The following LGSN variants were observed in gnomAD, a reference collection of about 807,000 sequenced individuals.
LGSN encodes lengsin, lens protein with glutamine synthetase domain.
Under a neutral mutation model 19.5 loss-of-function variants are expected in LGSN, and 21 were observed. The observed-to-expected ratio is 1.07, with a 90% CI of 0.76 to 1.55. The LOEUF is 1.55. LGSN is among the 40% of genes most tolerant of loss of function. The pLI is 0.00. For synonymous variants in LGSN, 257 were observed against 215.6 expected (o/e 1.19, Z -1.68); for missense variants, 673 against 608.5 (o/e 1.11, Z -1.12).
the LGSN span, among the ~76,000 whole-genome samples, chr6:63,500,570 C>T: frequency 6.7e-6 from 1 of 150,266 alleles, no homozygotes; most frequent in East Asian, 2.0e-4. Flanking sequence ...TGCAGGCATG[C>T]ACCACCACGC....
the LGSN span, among the ~76,000 whole-genome samples, chr6:63,527,535 C>A: frequency 6.6e-6 from 1 of 152,010 alleles, no homozygotes; most frequent in Admixed American, 6.6e-5. Flanking sequence ...ATACTGTGTC[C>A]ACAGTATTAT....
the LGSN span, chr6:63,443,508 G>A: frequency 8.5e-5 from 46 of 543,528 alleles, no homozygotes; most frequent in Admixed American, 2.9e-4. Flanking sequence ...TTGCACCAGC[G>A]TGAACACCAT....
At chr6:63,520,662 TA>T in the LGSN span, among the ~76,000 whole-genome samples, 41 of 150,436 alleles carry the variant, frequency 2.7e-4, no homozygotes, top group African/African-American at 1.0e-3. Context: ...AATAAATAAA[TA>T]AATAAATAAA....
the LGSN span, among the ~76,000 whole-genome samples, chr6:63,510,952 G>A: frequency 6.6e-6 from 1 of 152,128 alleles, no homozygotes; most frequent in Non-Finnish European, 1.5e-5. Flanking sequence ...TGGAATTACA[G>A]GCATGAGCCA....
chr6:63,282,048 C>T (rs1056100397), intron 3 of LGSN, among the ~76,000 whole-genome samples: 5 of 152,186 alleles, frequency 3.3e-5, no homozygotes, highest in Admixed American at 2.0e-4. Flanking sequence ...AAGTGTTAGA[C>T]TAGATGACTG....
the LGSN span, among the ~76,000 whole-genome samples, chr6:63,448,443 T>TTTC: frequency 6.6e-6 from 1 of 152,144 alleles, no homozygotes; most frequent in African/African-American, 2.4e-5. Context: ...TAGGGACAAC[T>TTTC]TTCTAGGGCA....
chr6:63,412,409 A>C, the LGSN span, among the ~76,000 whole-genome samples: 486 of 131,926 alleles, frequency 3.7e-3, 11 homozygotes, highest in African/African-American at 0.017. Flanking sequence ...GAAAGAAAGA[A>C]AGAAAGAAGA....
chr6:63,291,444 A>C (rs1767764601), intron 2 of LGSN, among the ~76,000 whole-genome samples: 1 of 152,060 alleles, frequency 6.6e-6, no homozygotes, highest in Non-Finnish European at 1.5e-5. Context: ...TGGAGTGGGA[A>C]TATGACTTTC....
At chr6:63,359,105 C>T in the LGSN span, among the ~76,000 whole-genome samples, 16 of 152,158 alleles carry the variant, frequency 1.1e-4, no homozygotes, top group South Asian at 6.2e-4. Context: ...TGGTTTTTGT[C>T]GTTGGTTCTG....
the LGSN span, among the ~76,000 whole-genome samples, chr6:63,394,128 G>T: frequency 6.6e-6 from 1 of 152,148 alleles, no homozygotes; most frequent in Non-Finnish European, 1.5e-5. Context: ...TTAGCTGGGC[G>T]TGGTGGGCGA....
chr6:63,420,806 T>G, the LGSN span, among the ~76,000 whole-genome samples: 34 of 152,302 alleles, frequency 2.2e-4, no homozygotes, highest in African/African-American at 8.2e-4. Context: ...ATACATAATG[T>G]AACTACCTAA....
At chr6:63,547,425 A>G in the LGSN span, among the ~76,000 whole-genome samples, 1 of 150,902 alleles carries the variant, frequency 6.6e-6, no homozygotes, top group Non-Finnish European at 1.5e-5. Flanking sequence ...CCTGACCTCA[A>G]GTGATTAATC....
At chr6:63,315,668 ACTCT>A (rs1325562265) in intron 1 of LGSN, among the ~76,000 whole-genome samples, 16 of 122,194 alleles carry the variant, frequency 1.3e-4, no homozygotes, top group African/African-American at 1.9e-4. Context: ...GCATGCTCTC[ACTCT>A]CTATATATCT....
chr6:63,290,680 G>C (rs1767729763), intron 2 of LGSN, among the ~76,000 whole-genome samples: 1 of 152,214 alleles, frequency 6.6e-6, no homozygotes, highest in South Asian at 2.1e-4. Context: ...TTTCTGTAAA[G>C]GACCAGATAG....
chr6:63,426,401 G>A, the LGSN span, among the ~76,000 whole-genome samples: 2 of 152,094 alleles, frequency 1.3e-5, no homozygotes, highest in African/African-American at 2.4e-5. Context: ...ACTACTTCCC[G>A]CCCTCTACCA....
At chr6:63,473,160 G>A in the LGSN span, among the ~76,000 whole-genome samples, 1 of 151,626 alleles carries the variant, frequency 6.6e-6, no homozygotes, top group Non-Finnish European at 1.5e-5. Context: ...GCAGATCCCA[G>A]GAGATAGCTT....
At chr6:63,437,032 G>A in the LGSN span, among the ~76,000 whole-genome samples, 29 of 135,942 alleles carry the variant, frequency 2.1e-4, no homozygotes, top group African/African-American at 7.9e-4. Flanking sequence ...GCAAGGCTCT[G>A]TCAAAAAAGA....
intron 1 of LGSN, among the ~76,000 whole-genome samples, chr6:63,297,675 T>G (rs1312904681): frequency 6.6e-6 from 1 of 152,176 alleles, no homozygotes; most frequent in African/African-American, 2.4e-5. Flanking sequence ...TGATTGAGGT[T>G]TGGGTTGTAA....
the LGSN span, among the ~76,000 whole-genome samples, chr6:63,545,336 G>A: frequency 6.6e-6 from 1 of 152,186 alleles, no homozygotes; most frequent in Non-Finnish European, 1.5e-5. Context: ...TAGGCTGGGT[G>A]TGGTGGCTCA....
Sources: allele counts gnomAD v4.1 joint callset (sites outside exome capture counted in the v4.1 genomes callset), GRCh38; gene constraint gnomAD v4.1.1; transcripts MANE v1.5; gene names NCBI Gene and HGNC (gene_info 2026-07-23, HGNC 2026-07-21).